Variants in TBC1D22A observed in about 807,000 individuals in gnomAD.
TBC1D22A encodes TBC1 domain family member 22A, also known as putative GTPase activator.
TBC1D22A carries 38 observed loss-of-function variants against 60.2 expected under a neutral mutation model. The observed-to-expected ratio is 0.63, with a 90% CI of 0.49 to 0.83. The LOEUF is 0.83. Ranked by LOEUF, TBC1D22A falls within the 40% of genes least tolerant of loss-of-function variation. The pLI is 0.00. For synonymous variants in TBC1D22A, 302 were observed against 281.7 expected, an observed-to-expected ratio of 1.07 and a Z score of -0.72; for missense variants, 628 against 701.0, an observed-to-expected ratio of 0.90 and a Z score of 1.18.
intron 12 of TBC1D22A, among the ~76,000 whole-genome samples, chr22:47,112,406 C>A (rs1449903462): frequency 2.6e-5 from 4 of 152,232 alleles, no homozygotes; most frequent in African/African-American, 9.6e-5. Flanking sequence ...ACCGCTCTCC[C>A]TTCTCGAGGC....
Position 46,975,717 on chromosome 22 carries a change from A to C in TBC1D22A, c.1125+1318A>C, listed in dbSNP as rs537393627. ...ATCTACTTGATTCAGAATCATCAGA[A>C]TATGGCTTTTATAGCCTGTGGTCTA... On this transcript the variant is annotated intron_variant, in intron 9 of 12. Coordinates refer to ENST00000337137, the MANE Select transcript of TBC1D22A (RefSeq NM_014346.5). Among the ~76,000 whole-genome samples, 420 of 152,358 alleles carry C rather than the reference A, an allele frequency of 2.8e-3. 2 individuals carry two copies. The highest frequency in any genetic ancestry group is 0.021 in the South Asian group (99 of 4,828).
chr22:47,090,338 A>C (rs949395279), intron 11 of TBC1D22A, among the ~76,000 whole-genome samples: 2 of 141,210 alleles, frequency 1.4e-5, no homozygotes, highest in African/African-American at 2.6e-5. Flanking sequence ...GAGCGCTCAG[A>C]CAGACGGGGC....
chr22:47,041,650 C>G (rs1357076305), intron 11 of TBC1D22A, among the ~76,000 whole-genome samples: 1 of 152,216 alleles, frequency 6.6e-6, no homozygotes, highest in African/African-American at 2.4e-5. Context: ...TGCCCTAGTT[C>G]TGTGCTTAGC....
chr22:46,848,024 T>A (rs1254372399), intron 4 of TBC1D22A, among the ~76,000 whole-genome samples: 1 of 152,214 alleles, frequency 6.6e-6, no homozygotes, highest in African/African-American at 2.4e-5. Context: ...GAGCAGCAGA[T>A]ATTCTTTCTG....
At position 47,042,504 on chromosome 22, in the gene TBC1D22A, C is replaced by T. The variant is rs144103012; in HGVS notation, c.1329+5306C>T. ...CATTGGGACTCAGCATCACAGCCTT[C>T]TGATTTCCATGCGGGAGGAGCTATC... On this transcript the variant is annotated intron_variant, in intron 11 of 12. Coordinates refer to ENST00000337137, the MANE Select transcript of TBC1D22A (RefSeq NM_014346.5). 8.1e-3 allele frequency among the ~76,000 whole-genome samples: 1,238 copies of T among 152,354 alleles called. 10 individuals are homozygous for T. The highest frequency in any genetic ancestry group is 0.044 in the Middle Eastern group (13 of 294).
At chr22:47,097,812 T>C (rs2065243249) in intron 11 of TBC1D22A, among the ~76,000 whole-genome samples, 1 of 152,196 alleles carries the variant, frequency 6.6e-6, no homozygotes, top group Non-Finnish European at 1.5e-5. Context: ...ATTCCTGTGT[T>C]CTTCTGTCCC....
intron 12 of TBC1D22A, among the ~76,000 whole-genome samples, chr22:47,135,629 G>A (rs2066837546): frequency 6.6e-6 from 1 of 152,230 alleles, no homozygotes; most frequent in Non-Finnish European, 1.5e-5. Context: ...GGTCCCACAG[G>A]GCTGGTAGCC....
intron 11 of TBC1D22A, among the ~76,000 whole-genome samples, chr22:47,052,052 G>A (rs181662063): frequency 6.8e-6 from 1 of 147,746 alleles, no homozygotes; most frequent in African/African-American, 2.4e-5. Flanking sequence ...GGTAAGGCAG[G>A]GTGGGGCAGG....
intron 12 of TBC1D22A, among the ~76,000 whole-genome samples, chr22:47,141,566 TG>T (rs2067086118): frequency 6.6e-6 from 1 of 152,248 alleles, no homozygotes; most frequent in African/African-American, 2.4e-5. Flanking sequence ...ACTCCACGTC[TG>T]GGCTTCCAGC....
chr22:46,949,314 C>T (rs1027565408), intron 8 of TBC1D22A, among the ~76,000 whole-genome samples: 4 of 152,316 alleles, frequency 2.6e-5, no homozygotes, highest in African/African-American at 9.6e-5. Context: ...GAGGGAACCT[C>T]GGGATCATCT....
Position 47,081,120 on chromosome 22 carries a change from C to CAAA in TBC1D22A, c.1330-30368_1330-30366dup, listed in dbSNP as rs34794967. ...GGGCAACAAGAGCGAAACTCCGTCTCAAAAAAAAAAAAAAAAAAAAAATGA... is the reference window on the plus strand; with the variant it reads ...GGGCAACAAGAGCGAAACTCCGTCTCAAAAAAAAAAAAAAAAAAAAAAAAATGA... On this transcript the variant is annotated intron_variant, in intron 11 of 12. Coordinates refer to ENST00000337137, the MANE Select transcript of TBC1D22A (RefSeq NM_014346.5). 5.1e-3 allele frequency among the ~76,000 whole-genome samples: 426 copies of CAAA among 83,504 alleles called. 6 individuals are homozygous for CAAA. The highest frequency in any genetic ancestry group is 0.017 in the African/African-American group (339 of 20,540). The allele number at this position is 83,504 out of a possible 152,430, so 54.8% of individuals were successfully genotyped here.
intron 9 of TBC1D22A, among the ~76,000 whole-genome samples, chr22:46,977,304 T>C (rs2074337175): frequency 6.6e-6 from 1 of 152,174 alleles, no homozygotes. Flanking sequence ...CGTATTCTAC[T>C]TGTTTTCAGT....
chr22:46,925,065 C>T (rs1031794738), intron 8 of TBC1D22A, among the ~76,000 whole-genome samples: 2 of 152,194 alleles, frequency 1.3e-5, no homozygotes, highest in Non-Finnish European at 2.9e-5. Flanking sequence ...AGAGCTGGTG[C>T]TAGTTTCTCA....
chr22:46,905,594 CGGGTGGGGGACAGGCG>C (rs2069404627), intron 7 of TBC1D22A, among the ~76,000 whole-genome samples: 1 of 152,140 alleles, frequency 6.6e-6, no homozygotes, highest in South Asian at 2.1e-4. Flanking sequence ...GGTCGGTTGG[CGGGTGGGGGACAGGCG>C]GGGCCTCTGG....
At chr22:47,006,670 C>G (rs1240776341) in intron 10 of TBC1D22A, among the ~76,000 whole-genome samples, 1 of 152,236 alleles carries the variant, frequency 6.6e-6, no homozygotes, top group Non-Finnish European at 1.5e-5. Context: ...TCTCCCCCCG[C>G]TCTAGTGGCG....
chr22:46,931,110 G>A (rs1348211148), intron 8 of TBC1D22A, among the ~76,000 whole-genome samples: 1 of 152,116 alleles, frequency 6.6e-6, no homozygotes, highest in East Asian at 1.9e-4. Flanking sequence ...CTCAGAGCCC[G>A]CCATGGAATT....
At position 46,932,236 on chromosome 22, in the gene TBC1D22A, C is replaced by T. The variant is rs1053690673; in HGVS notation, c.1015+20048C>T. ...ATTCTTAAATGCCCTCTGGCGACAC[C>T]ACCATACATGACTGTTGTGACTCCC... On this transcript the variant is annotated intron_variant, in intron 8 of 12. Transcript: ENST00000337137. Among the ~76,000 whole-genome samples the T allele has an allele frequency of 1.8e-4, 28 of 152,204 alleles. 1 individual carries two copies. The highest frequency in any genetic ancestry group is 5.3e-4 in the African/African-American group (22 of 41,436).
At chr22:47,155,200 G>C (rs1411692474) in intron 12 of TBC1D22A, among the ~76,000 whole-genome samples, 3 of 144,556 alleles carry the variant, frequency 2.1e-5, no homozygotes, top group Non-Finnish European at 4.5e-5. Context: ...TTTCTCTTTA[G>C]AATTCCTTTT....
chr22:46,911,108 T>C (rs1332603631), intron 7 of TBC1D22A, among the ~76,000 whole-genome samples: 3 of 151,980 alleles, frequency 2.0e-5, no homozygotes, highest in Non-Finnish European at 4.4e-5. Context: ...GTGTGGGTGA[T>C]AGGATTGTGT....
Sources: allele counts gnomAD v4.1 joint callset (sites outside exome capture counted in the v4.1 genomes callset), GRCh38; gene constraint gnomAD v4.1.1; transcripts MANE v1.5; gene names NCBI Gene and HGNC (gene_info 2026-07-23, HGNC 2026-07-21).